The following DCC variants were observed in gnomAD, a reference collection of about 807,000 sequenced individuals.
The protein encoded by DCC is DCC netrin 1 receptor.
DCC carries 58 observed loss-of-function variants against 172.5 expected under a neutral mutation model. That is an observed-to-expected ratio of 0.34 (90% CI 0.27 to 0.42). The LOEUF (loss-of-function observed/expected upper bound fraction) is 0.42. Among genes scored for constraint, DCC ranks in the 10% least tolerant of loss-of-function variants. DCC has a pLI of 1.00. For synonymous variants in DCC, 709 were observed against 644.5 expected, an observed-to-expected ratio of 1.10 and a Z score of -1.52; for missense variants, 1,740 against 1,791.0, an observed-to-expected ratio of 0.97 and a Z score of 0.51.
At chr18:53,131,422 C>T (rs192925637) in intron 7 of DCC, among the ~76,000 whole-genome samples, 10 of 151,986 alleles carry the variant, frequency 6.6e-5, no homozygotes, top group East Asian at 3.9e-4. Context: ...AAGTTGTTAC[C>T]GACAAAGATA....
At chr18:52,715,496 G>A (rs972866034) in intron 1 of DCC, among the ~76,000 whole-genome samples, 1 of 151,834 alleles carries the variant, frequency 6.6e-6, no homozygotes, top group Admixed American at 6.6e-5. Flanking sequence ...GTAGAGACAG[G>A]GTTTTACCAT....
chr18:52,341,990 AGGGAAT>A (rs1386866615), intron 1 of DCC, among the ~76,000 whole-genome samples: 3 of 152,172 alleles, frequency 2.0e-5, no homozygotes, highest in Admixed American at 2.0e-4. Context: ...GGAAATTAAC[AGGGAAT>A]GGCACATCAA....
At chr18:53,118,071 A>T (rs1402805225) in intron 7 of DCC, among the ~76,000 whole-genome samples, 1 of 151,792 alleles carries the variant, frequency 6.6e-6, no homozygotes, top group Admixed American at 6.6e-5. Context: ...TGGGGAGTTG[A>T]TTACACACAA....
intron 1 of DCC, among the ~76,000 whole-genome samples, chr18:52,711,428 A>G (rs1172468651): frequency 2.6e-5 from 4 of 152,256 alleles, no homozygotes; most frequent in East Asian, 3.9e-4. Flanking sequence ...TATATGCTCA[A>G]TGCTGAGCAC....
chr18:53,355,541 G>C (rs2057868299), intron 15 of DCC, among the ~76,000 whole-genome samples: 1 of 152,114 alleles, frequency 6.6e-6, no homozygotes. Flanking sequence ...AAGCAATTGT[G>C]AATGGGAGTT....
In DCC at chr18:52,440,863, A is replaced by G. The variant is rs117922940; in HGVS notation, c.91+99985A>G. ...TGAGGGCATAGAGAAAGGAAAGCAAAAGGAGAATCATCCTCTGTATGTGCT... is the reference window on the plus strand; with the variant it reads ...TGAGGGCATAGAGAAAGGAAAGCAAGAGGAGAATCATCCTCTGTATGTGCT... On this transcript the variant is annotated intron_variant, in intron 1 of 28. Transcript: ENST00000442544. Among the ~76,000 whole-genome samples the G allele has an allele frequency of 9.9e-3, 1,515 of 152,310 alleles. 60 individuals are homozygous for G. Among genetic ancestry groups the G allele is most frequent in the Admixed American group, 0.065 (1,000 of 15,298 alleles).
At chr18:53,260,600 T>C (rs773409394) in intron 12 of DCC, among the ~76,000 whole-genome samples, 2 of 152,138 alleles carry the variant, frequency 1.3e-5, no homozygotes, top group Non-Finnish European at 2.9e-5. Context: ...GTGTGAGGTG[T>C]CAGTCTGCCC....
At chr18:53,355,651 C>G (rs947067667) in intron 15 of DCC, among the ~76,000 whole-genome samples, 1 of 152,114 alleles carries the variant, frequency 6.6e-6, no homozygotes, top group Non-Finnish European at 1.5e-5. Flanking sequence ...AGTTGCTTAT[C>G]AGCTTAAGGA....
chr18:53,233,440 T>C (rs973913674), intron 12 of DCC, among the ~76,000 whole-genome samples: 1 of 152,322 alleles, frequency 6.6e-6, no homozygotes, highest in African/African-American at 2.4e-5. Context: ...TTTCAGTCTT[T>C]CTATACACTT....
At chr18:53,522,101 T>C (rs908151723) in intron 27 of DCC, among the ~76,000 whole-genome samples, 1 of 152,108 alleles carries the variant, frequency 6.6e-6, no homozygotes, top group African/African-American at 2.4e-5. Flanking sequence ...TTTAAAGCTT[T>C]TAAACTTTGT....
intron 15 of DCC, among the ~76,000 whole-genome samples, chr18:53,365,445 T>G (rs2057994970): frequency 9.0e-6 from 1 of 111,224 alleles, no homozygotes; most frequent in Admixed American, 9.2e-5. Flanking sequence ...TTCATCCCAC[T>G]GAAAAAAAAA....
chr18:52,665,665 C>T (rs2035449020), intron 1 of DCC, among the ~76,000 whole-genome samples: 1 of 152,148 alleles, frequency 6.6e-6, no homozygotes, highest in South Asian at 2.1e-4. Context: ...GTAGCTTATG[C>T]CTACCTGATG....
chr18:52,625,859 G>A (rs1221868), intron 1 of DCC, among the ~76,000 whole-genome samples: 23,624 of 152,134 alleles, frequency 0.16, 2,328 homozygotes, highest in Middle Eastern at 0.22. Context: ...ATGTTTTAAT[G>A]CAGGGGATTA....
At chr18:52,986,827 C>CGTGTAGT (rs1568228914) in intron 5 of DCC, among the ~76,000 whole-genome samples, 10 of 128,294 alleles carry the variant, frequency 7.8e-5, no homozygotes, top group African/African-American at 3.4e-4. Context: ...CACACACACA[C>CGTGTAGT]ATATACATAC....
intron 7 of DCC, among the ~76,000 whole-genome samples, chr18:53,134,059 C>A (rs1346498498): frequency 2.6e-5 from 4 of 152,170 alleles, no homozygotes; most frequent in Non-Finnish European, 5.9e-5. Context: ...GAATTATTTA[C>A]TTTCAGCCAG....
chr18:52,607,859 G>T (rs1221880), intron 1 of DCC, among the ~76,000 whole-genome samples: 10 of 151,992 alleles, frequency 6.6e-5, no homozygotes, highest in Non-Finnish European at 1.5e-4. Flanking sequence ...CAGAGAAACA[G>T]GGAGGTTTTC....
intron 3 of DCC, among the ~76,000 whole-genome samples, chr18:52,911,260 A>C (rs563858919): frequency 2.0e-5 from 3 of 152,076 alleles, no homozygotes; most frequent in East Asian, 3.9e-4. Flanking sequence ...AGAAGGGCAA[A>C]TTCAGGTACA....
chr18:53,325,674 G>C (rs1383853407), intron 14 of DCC, among the ~76,000 whole-genome samples: 2 of 152,176 alleles, frequency 1.3e-5, no homozygotes, highest in Non-Finnish European at 2.9e-5. Flanking sequence ...AATTGGATTT[G>C]TTTGAACTTT....
intron 1 of DCC, among the ~76,000 whole-genome samples, chr18:52,343,594 C>T (rs1027300792): frequency 6.6e-6 from 1 of 152,164 alleles, no homozygotes; most frequent in African/African-American, 2.4e-5. Context: ...ATATATTTGA[C>T]ATGAGCCACA....
Sources: gnomAD v4.1 joint callset for allele counts (sites outside exome capture counted in the v4.1 genomes callset) on GRCh38, gnomAD v4.1.1 for gene constraint, MANE v1.5 for transcripts, NCBI Gene and HGNC (gene_info 2026-07-23, HGNC 2026-07-21) for gene names.